The following ANO3 variants were observed in gnomAD, a reference collection of about 807,000 sequenced individuals.
The protein encoded by ANO3 is anoctamin-3.
A neutral mutation model predicts 144.8 loss-of-function variants in ANO3; 99 were observed. The ratio of observed to expected loss-of-function variants is 0.68; its 90% CI spans 0.58 to 0.81. The LOEUF (loss-of-function observed/expected upper bound fraction) is 0.81. Among genes scored for constraint, ANO3 ranks in the 30% least tolerant of loss-of-function variants. ANO3 has a pLI of 0.00. For missense variants in ANO3, 905 were observed against 1,202.2 expected (o/e 0.75, Z 3.66); for synonymous variants, 414 against 392.6 (o/e 1.05, Z -0.64).
intron 14 of ANO3, among the ~76,000 whole-genome samples, chr11:26,586,776 A>G (rs187046123): frequency 6.9e-6 from 1 of 144,070 alleles, no homozygotes; most frequent in East Asian, 2.0e-4. Flanking sequence ...TGCTGGGATT[A>G]CAGGATGAGC....
intron 17 of ANO3, among the ~76,000 whole-genome samples, chr11:26,606,212 T>A (rs1590623883): frequency 1.3e-5 from 2 of 151,202 alleles, no homozygotes; most frequent in South Asian, 2.1e-4. Context: ...ATCATTCAGT[T>A]CACTTTCTAT....
At chr11:26,241,762 C>A (rs12278006) in intron 1 of ANO3, among the ~76,000 whole-genome samples, 3 of 152,130 alleles carry the variant, frequency 2.0e-5, no homozygotes, top group South Asian at 2.1e-4. Flanking sequence ...CTCCATTTTA[C>A]AGACAAGGCA....
intron 1 of ANO3, among the ~76,000 whole-genome samples, chr11:26,419,726 G>A (rs952048267): frequency 1.2e-4 from 18 of 152,186 alleles, no homozygotes; most frequent in African/African-American, 3.6e-4. Flanking sequence ...AGCAAAGTAC[G>A]TATTGTTAAG....
At chr11:26,272,479 T>C (rs534278986) in intron 1 of ANO3, among the ~76,000 whole-genome samples, 11 of 152,280 alleles carry the variant, frequency 7.2e-5, no homozygotes, top group African/African-American at 2.4e-4. Flanking sequence ...AGATACGGTA[T>C]AAGAAAGACA....
chr11:26,381,446 T>C (rs1253230590), intron 1 of ANO3, among the ~76,000 whole-genome samples: 1 of 152,200 alleles, frequency 6.6e-6, no homozygotes, highest in Non-Finnish European at 1.5e-5. Flanking sequence ...GGCTTTTTCC[T>C]ACTACGCCTA....
chr11:26,325,066 T>C (rs754124840), intron 1 of ANO3, among the ~76,000 whole-genome samples: 13 of 152,120 alleles, frequency 8.5e-5, no homozygotes, highest in Non-Finnish European at 1.8e-4. Flanking sequence ...AAAGGGACCA[T>C]ATACAAACCC....
At chr11:26,656,308 A>G (rs1420320295) in intron 25 of ANO3, 68 bp from the exon 26 acceptor site, 6 of 1,491,674 alleles carry the variant, frequency 4.0e-6, no homozygotes, top group African/African-American at 1.4e-5. Context: ...ATTTTGGCAA[A>G]TCAAGAAAAT....
At chr11:26,281,457 A>G (rs1215161907) in intron 1 of ANO3, among the ~76,000 whole-genome samples, 1 of 152,172 alleles carries the variant, frequency 6.6e-6, no homozygotes, top group African/African-American at 2.4e-5. Context: ...TTAGCTAAGA[A>G]CCTGTCCAAA....
At chr11:26,646,690 A>G (rs1256952450) in intron 23 of ANO3, among the ~76,000 whole-genome samples, 1 of 151,990 alleles carries the variant, frequency 6.6e-6, no homozygotes, top group Admixed American at 6.6e-5. Context: ...TGCTCATTTT[A>G]TTGTCTATTT....
intron 4 of ANO3, among the ~76,000 whole-genome samples, chr11:26,471,970 G>A (rs890255278): frequency 2.0e-5 from 3 of 151,870 alleles, no homozygotes; most frequent in African/African-American, 7.3e-5. Flanking sequence ...CTCCCTGAAG[G>A]ATGTTAGCTC....
intron 7 of ANO3, among the ~76,000 whole-genome samples, chr11:26,526,248 G>C (rs1045018888): frequency 6.6e-6 from 1 of 152,096 alleles, no homozygotes; most frequent in Non-Finnish European, 1.5e-5. Flanking sequence ...ACCTATTGTG[G>C]TAAGAATAAC....
intron 17 of ANO3, among the ~76,000 whole-genome samples, chr11:26,601,236 A>G (rs2132936121): frequency 6.6e-6 from 1 of 152,314 alleles, no homozygotes; most frequent in South Asian, 2.1e-4. Context: ...TAGATAGATA[A>G]TATGCATTTG....
chr11:26,405,733 G>T (rs1329201386), intron 1 of ANO3, among the ~76,000 whole-genome samples: 1 of 151,828 alleles, frequency 6.6e-6, no homozygotes, highest in Non-Finnish European at 1.5e-5. Context: ...GAATGTGCAG[G>T]TTATATCAGT....
At chr11:26,309,567 A>G (rs544981753), upstream of ANO3, 1 of 713,050 alleles carries the variant, frequency 1.4e-6, no homozygotes, top group East Asian at 1.3e-4. Context: ...CTTCTTTTCC[A>G]TGATAATTTT....
chr11:26,312,984 A>C (rs1294534596), intron 1 of ANO3, among the ~76,000 whole-genome samples: 1 of 152,246 alleles, frequency 6.6e-6, no homozygotes, highest in Admixed American at 6.5e-5. Context: ...AATGAATTCC[A>C]AATTCTTCAG....
At chr11:26,496,974 G>GTATATACATATATATA (rs1554962021) in intron 4 of ANO3, among the ~76,000 whole-genome samples, 148 of 136,502 alleles carry the variant, frequency 1.1e-3, no homozygotes, top group African/African-American at 4.0e-3. Flanking sequence ...AATGTTGTGT[G>GTATATACATATATATA]TATATATATA....
chr11:26,618,040 G>T (rs540313059), intron 17 of ANO3, among the ~76,000 whole-genome samples: 1 of 152,138 alleles, frequency 6.6e-6, no homozygotes, highest in Non-Finnish European at 1.5e-5. Flanking sequence ...TAAATATGCA[G>T]CTAATAAAAT....
chr11:26,288,588 C>T (rs995387774), intron 1 of ANO3, among the ~76,000 whole-genome samples: 5 of 152,150 alleles, frequency 3.3e-5, no homozygotes, highest in Admixed American at 2.6e-4. Flanking sequence ...GGTATACTTC[C>T]GGTGGCCTCT....
At chr11:26,596,429 T>C (rs1851631045) in intron 14 of ANO3, among the ~76,000 whole-genome samples, 4 of 152,156 alleles carry the variant, frequency 2.6e-5, no homozygotes, top group Admixed American at 1.3e-4. Flanking sequence ...CCAGTTCCAG[T>C]TGTTAAAGTA....
Sources: gnomAD v4.1 joint callset for allele counts (sites outside exome capture counted in the v4.1 genomes callset) on GRCh38, gnomAD v4.1.1 for gene constraint, MANE v1.5 for transcripts, NCBI Gene and HGNC (gene_info 2026-07-23, HGNC 2026-07-21) for gene names.